Variants in SRRM3 observed in about 807,000 individuals in gnomAD.
SRRM3 encodes serine/arginine repetitive matrix protein 3.
In SRRM3, 27 loss-of-function variants were observed where a neutral mutation model predicts 66.2. The ratio of observed to expected loss-of-function variants is 0.41; its 90% CI spans 0.30 to 0.56. SRRM3 has a LOEUF of 0.56. SRRM3 is among the 20% of genes least tolerant of loss of function. SRRM3 has a pLI of 0.32. For missense variants in SRRM3, 918 were observed against 991.9 expected (o/e 0.93, Z 1.00); for synonymous variants, 391 against 414.9 (o/e 0.94, Z 0.70).
Position 76,281,508 on chromosome 7 carries a change from G to C in SRRM3, c.1076G>C (p.Arg359Pro). The C allele has an allele frequency of 8.3e-7, 1 of 1,211,986 alleles. No individual in the cohort carries two copies. Among genetic ancestry groups the C allele is most frequent in the Non-Finnish European group, 1.0e-6 (1 of 972,364 alleles). The allele number at this position is 1,211,986 out of a possible 1,614,324, so 75.1% of individuals were successfully genotyped here. A position where few individuals can be genotyped will look rare whatever the true frequency, so the allele number is the denominator to read the frequency against. Residue 359 changes from arginine to proline, a missense_variant, in exon 12 of 15, where the codon CGG (arginine) becomes CCG (proline). Coordinates refer to ENST00000611745, the MANE Select transcript of SRRM3 (RefSeq NM_001110199.3). ...AAAAAPTPPA[R>P]GKESPSPRSA... ...GCCGCCGCACCCACGCCGCCCGCGC[G>C]GGGGAAGGAGAGCCCGAGCCCGCGC...
At chr7:76,250,389 G>A (rs1461146046) in intron 3 of SRRM3, among the ~76,000 whole-genome samples, 5 of 151,902 alleles carry the variant, frequency 3.3e-5, no homozygotes, top group South Asian at 2.1e-4. Flanking sequence ...CCACCATGAC[G>A]CCCCGCTAAT....
intron 3 of SRRM3, among the ~76,000 whole-genome samples, chr7:76,256,533 TAGAC>T (rs1347962325): frequency 4.0e-5 from 6 of 151,760 alleles, no homozygotes; most frequent in African/African-American, 1.5e-4. Flanking sequence ...GGCTACTTCA[TAGAC>T]AGAGCAGCCC....
intron 2 of SRRM3, among the ~76,000 whole-genome samples, chr7:76,237,738 C>A (rs112017043): frequency 3.9e-5 from 6 of 152,250 alleles, no homozygotes; most frequent in Middle Eastern, 6.8e-3. Flanking sequence ...CAGAACTCCA[C>A]CTCCTTGATG....
In SRRM3 at chr7:76,260,866, G is replaced by T. The variant is rs782044879; in HGVS notation, c.546-8G>T. 1 of 1,559,108 alleles carries T rather than the reference G, an allele frequency of 6.4e-7. No individual in the cohort carries two copies. The highest frequency in any genetic ancestry group is 8.7e-7 in the Non-Finnish European group (1 of 1,151,022). ...CGTCTGTCCTTTCTTCCTGGCATCT[G>T]CCCTCAGCAAAAAGAGGAGACTGGA... On this transcript the variant is annotated splice_region_variant and splice_polypyrimidine_tract_variant and intron_variant, in intron 5 of 14. Transcript: ENST00000611745.
In SRRM3 at chr7:76,265,833, TATATA is replaced by T. The variant is rs1802002008; in HGVS notation, c.830+366_830+370del. 2.5e-4 allele frequency among the ~76,000 whole-genome samples: 3 copies of T among 11,868 alleles called. No individual in the cohort carries two copies. In the South Asian group the frequency reaches 9.7e-3, roughly 39 times the overall value. 7.8% of individuals were successfully genotyped at this position (11,868 alleles called of 152,430 possible). A position where few individuals can be genotyped will look rare whatever the true frequency, so the allele number is the denominator to read the frequency against. ...TTTATATATTTAATAAATATTTATA[TATATA>T]TATATATATATATATATATATTTTT... On this transcript the variant is annotated intron_variant, in intron 10 of 14. Transcript: ENST00000611745.
intron 2 of SRRM3, among the ~76,000 whole-genome samples, chr7:76,238,240 T>C (rs1255816379): frequency 6.6e-6 from 1 of 152,202 alleles, no homozygotes; most frequent in Non-Finnish European, 1.5e-5. Context: ...GAGTCCTCCG[T>C]TGAAGACACA....
At chr7:76,253,730 G>A (rs1554607271) in intron 3 of SRRM3, among the ~76,000 whole-genome samples, 1 of 150,964 alleles carries the variant, frequency 6.6e-6, no homozygotes, top group African/African-American at 2.4e-5. Flanking sequence ...GCAGGAGACG[G>A]AGGTTGCAGT....
chr7:76,253,000 C>T (rs532649230), intron 3 of SRRM3, among the ~76,000 whole-genome samples: 1 of 150,954 alleles, frequency 6.6e-6, no homozygotes. Flanking sequence ...CCCGACTCTA[C>T]TAAAAATACA....
In SRRM3 at chr7:76,265,421, C is replaced by G. The variant is rs10252497; in HGVS notation, c.783C>G (p.His261Gln). 4,317 of 1,606,532 alleles carry G rather than the reference C, an allele frequency of 2.7e-3. 98 individuals are homozygous for G. The African/African-American group carries it at 0.049, about 18-fold the overall frequency. ...ATCGCCATAGCAGTGGCAGCTCCCACAGCCCCTCCCTCTCCTCCCACTACA... is the reference window on the plus strand; with the variant it reads ...ATCGCCATAGCAGTGGCAGCTCCCAGAGCCCCTCCCTCTCCTCCCACTACA... ...RSHRHSSGSS[H>Q]SPSLSSHYSD... The change falls in exon 10 of 15, where the codon CAC becomes CAG. Residue 261 changes from histidine to glutamine, a missense_variant. By Grantham distance (24) the His-to-Gln change is conservative. Coordinates refer to ENST00000611745, the MANE Select transcript of SRRM3 (RefSeq NM_001110199.3).
chr7:76,222,905 C>CG (rs2116966926), intron 1 of SRRM3, among the ~76,000 whole-genome samples: 1 of 152,154 alleles, frequency 6.6e-6, no homozygotes, highest in South Asian at 2.1e-4. Flanking sequence ...ATTGAGCCAC[C>CG]GCGCCCAGCT....
intron 1 of SRRM3, among the ~76,000 whole-genome samples, chr7:76,207,797 A>T (rs1368303355): frequency 6.6e-6 from 1 of 152,174 alleles, no homozygotes; most frequent in Non-Finnish European, 1.5e-5. Context: ...GGATCGCTTG[A>T]GCTCAGGAGT....
rs1353782054 is a variant in SRRM3 at position 76,285,872 on chromosome 7, CT to C, written c.*30del. 7 of 1,532,792 alleles carry C rather than the reference CT, an allele frequency of 4.6e-6. No homozygotes were observed. Among genetic ancestry groups the C allele is most frequent in the African/African-American group, 4.1e-5 (3 of 72,796 alleles). 94.9% of individuals were successfully genotyped at this position (1,532,792 alleles called of 1,614,324 possible). The stretch of plus-strand genomic sequence containing the variant: ...CAGACAGACTCAGCTTGGTGCCCCC[CT>C]GGCACTGGGAGAGGCGAGGGGCGGG... On this transcript the variant is annotated 3_prime_UTR_variant, in exon 15 of 15. Transcript: ENST00000611745. This position sits in a 1 kb window ranked among gnomAD's most constrained non-coding sequence, Gnocchi z 4.1.
chr7:76,281,898 C>T, intron 12 of SRRM3, 96 bp downstream of exon 12: 1 of 1,002,454 alleles, frequency 1.0e-6, no homozygotes, highest in Non-Finnish European at 1.2e-6. Context: ...CCTCCCCGCG[C>T]TGAGCTACCC....
chr7:76,282,926 G>C (rs1802565250), intron 13 of SRRM3, 38 bp from the exon 14 acceptor site: 2 of 1,310,870 alleles, frequency 1.5e-6, no homozygotes, highest in South Asian at 4.4e-5. Context: ...TGGAGCGGCC[G>C]GGCCGCGTCG....
chr7:76,271,445 C>G (rs1246736601), intron 11 of SRRM3, among the ~76,000 whole-genome samples: 3 of 152,024 alleles, frequency 2.0e-5, no homozygotes, highest in Non-Finnish European at 2.9e-5. Context: ...CCACTGTACT[C>G]CAGCCTGGGC....
intron 11 of SRRM3, 107 bp from the exon 12 acceptor site, chr7:76,281,328 GTCTCTT>G: frequency 1.4e-6 from 1 of 736,472 alleles, no homozygotes; most frequent in Non-Finnish European, 1.8e-6. Context: ...CTCTGTCTCT[GTCTCTT>G]TCTTTCAATC....
chr7:76,257,399 C>G (rs1428473560), intron 3 of SRRM3, among the ~76,000 whole-genome samples: 2 of 150,528 alleles, frequency 1.3e-5, no homozygotes, highest in Non-Finnish European at 3.0e-5. Flanking sequence ...GGGCCACCCC[C>G]CTAGAGACAG....
intron 11 of SRRM3, among the ~76,000 whole-genome samples, chr7:76,280,729 G>C (rs1802474645): frequency 6.6e-6 from 1 of 151,618 alleles, no homozygotes; most frequent in Admixed American, 6.6e-5. Flanking sequence ...CCCCCGGCTC[G>C]GGCCCGGTGA....
At chr7:76,250,909 C>T (rs1403237562) in intron 3 of SRRM3, among the ~76,000 whole-genome samples, 1 of 152,178 alleles carries the variant, frequency 6.6e-6, no homozygotes, top group Non-Finnish European at 1.5e-5. Flanking sequence ...ATCATCACTA[C>T]CCCCACCCAG....
Sources: gnomAD v4.1 joint callset for allele counts (sites outside exome capture counted in the v4.1 genomes callset) on GRCh38, gnomAD v4.1.1 for gene constraint, Gnocchi (gnomAD v3.1) non-coding constraint, MANE v1.5 for transcripts, NCBI Gene and HGNC (gene_info 2026-07-23, HGNC 2026-07-21) for gene names.